PRKN: variants seen among roughly 807,000 people sequenced by gnomAD.
PRKN encodes E3 ubiquitin-protein ligase parkin.
In PRKN, 56 loss-of-function variants were observed where a neutral mutation model predicts 59.5. The observed-to-expected ratio is 0.94, with a 90% CI of 0.76 to 1.18. The LOEUF (loss-of-function observed/expected upper bound fraction) is 1.18. Ranked by LOEUF, PRKN falls within the 50% of genes most tolerant of loss-of-function variation. The pLI is 0.00. For missense variants in PRKN, 657 were observed against 596.4 expected (o/e 1.10, Z -1.06); for synonymous variants, 250 against 222.1 (o/e 1.13, Z -1.12).
At chr6:162,620,000 C>T (rs2803042) in intron 1 of PRKN, among the ~76,000 whole-genome samples, 113,678 of 151,940 alleles carry the variant, frequency 0.75, 42,640 homozygotes, top group African/African-American at 0.78. Context: ...ACATTGCAAT[C>T]TGATATGCTT....
intron 6 of PRKN, among the ~76,000 whole-genome samples, chr6:161,872,961 C>T (rs1583277492): frequency 2.1e-5 from 3 of 139,610 alleles, no homozygotes; most frequent in East Asian, 2.1e-4. Flanking sequence ...ACAGTAATGA[C>T]TTTTTTTTTT....
chr6:161,773,383 T>C (rs1478780278), intron 7 of PRKN, among the ~76,000 whole-genome samples: 2 of 152,226 alleles, frequency 1.3e-5, no homozygotes, highest in African/African-American at 2.4e-5. Flanking sequence ...TCAAAAATTG[T>C]GCCAACTGCT....
Position 162,349,241 on chromosome 6 carries a change from G to C in PRKN, c.172-86476C>G, listed in dbSNP as rs185560099. ...CTAGCACTTTGTGAGGCTGAGGTGG[G>C]TGGATCACTTGAGGTCAGGAGTTCA... On this transcript the variant is annotated intron_variant, in intron 2 of 11. Coordinates refer to ENST00000366898, the MANE Select transcript of PRKN (RefSeq NM_004562.3). Among the ~76,000 whole-genome samples the C allele has an allele frequency of 5.9e-5, 9 of 152,276 alleles. No individual in the cohort carries two copies. In the East Asian group the frequency reaches 1.7e-3, roughly 29 times the overall value.
chr6:162,030,828 A>G (rs535909785), intron 5 of PRKN, among the ~76,000 whole-genome samples: 3 of 152,172 alleles, frequency 2.0e-5, no homozygotes, highest in Non-Finnish European at 2.9e-5. Context: ...CTGGAGAATT[A>G]ACGAAACATC....
At chr6:162,047,544 G>GA (rs1192603624) in intron 5 of PRKN, among the ~76,000 whole-genome samples, 123 of 141,356 alleles carry the variant, frequency 8.7e-4, no homozygotes, top group Admixed American at 1.1e-3. Flanking sequence ...TTAGACACCA[G>GA]AAAAAAAAAA....
At chr6:162,115,520 A>C (rs1780632999) in intron 4 of PRKN, among the ~76,000 whole-genome samples, 1 of 150,592 alleles carries the variant, frequency 6.6e-6, no homozygotes, top group South Asian at 2.1e-4. Context: ...ACATTAAAAT[A>C]AATAAATAAA....
chr6:161,564,390 C>T (rs913742334), intron 8 of PRKN, among the ~76,000 whole-genome samples: 1 of 152,232 alleles, frequency 6.6e-6, no homozygotes, highest in African/African-American at 2.4e-5. Flanking sequence ...TTTCCTACCA[C>T]ATATTCCAGC....
chr6:162,374,467 G>A (rs1426134447), intron 2 of PRKN, among the ~76,000 whole-genome samples: 3 of 151,462 alleles, frequency 2.0e-5, no homozygotes, highest in South Asian at 2.1e-4. Context: ...TGGTCTGGTC[G>A]GTTGGAGCCT....
At chr6:162,383,738 T>G (rs1051818426) in intron 2 of PRKN, among the ~76,000 whole-genome samples, 1 of 152,216 alleles carries the variant, frequency 6.6e-6, no homozygotes, top group East Asian at 1.9e-4. Flanking sequence ...AAGTCCTGGA[T>G]AGCATCTTCC....
chr6:161,749,441 G>T lies in PRKN; in HGVS notation c.871+36331C>A, dbSNP rs538958387. On this transcript the variant is annotated intron_variant, in intron 7 of 11. Coordinates refer to ENST00000366898, the MANE Select transcript of PRKN (RefSeq NM_004562.3). ...TATACATCATTTTAGTGCTTTTATGGAGGAAGGAAAGTAATTTGCAGGATC... is the reference window on the plus strand; with the variant it reads ...TATACATCATTTTAGTGCTTTTATGTAGGAAGGAAAGTAATTTGCAGGATC... 2.0e-5 allele frequency among the ~76,000 whole-genome samples: 3 copies of T among 152,214 alleles called. No homozygotes were observed. In the South Asian group the frequency reaches 6.2e-4, roughly 32 times the overall value.
intron 7 of PRKN, among the ~76,000 whole-genome samples, chr6:161,687,459 TA>T (rs549039987): frequency 7.1e-4 from 103 of 144,180 alleles, no homozygotes; most frequent in African/African-American, 2.3e-3. Flanking sequence ...TTTTTTAAAT[TA>T]AAAAAAAATG....
intron 1 of PRKN, among the ~76,000 whole-genome samples, chr6:162,685,987 C>T (rs1893539): frequency 0.92 from 139,483 of 152,182 alleles, 64,085 homozygotes; most frequent in East Asian, 0.98. Context: ...TTATAGCGAA[C>T]GTCCATTCTG....
At chr6:162,643,120 G>A (rs900531108) in intron 1 of PRKN, among the ~76,000 whole-genome samples, 3 of 152,076 alleles carry the variant, frequency 2.0e-5, no homozygotes, top group African/African-American at 4.8e-5. Context: ...ACAAGCAGCC[G>A]GGCGCGGTGG....
At chr6:161,739,750 T>C (rs889933156) in intron 7 of PRKN, among the ~76,000 whole-genome samples, 1 of 152,166 alleles carries the variant, frequency 6.6e-6, no homozygotes, top group Non-Finnish European at 1.5e-5. Context: ...ACAATTTTTT[T>C]TCTTGTTTCT....
At chr6:162,244,719 G>C (rs1779129550) in intron 3 of PRKN, among the ~76,000 whole-genome samples, 1 of 152,044 alleles carries the variant, frequency 6.6e-6, no homozygotes, top group Admixed American at 6.6e-5. Flanking sequence ...AGGGTATATG[G>C]AATTAATGTT....
intron 6 of PRKN, among the ~76,000 whole-genome samples, chr6:161,835,785 G>A (rs921847321): frequency 6.6e-5 from 10 of 152,090 alleles, no homozygotes; most frequent in African/African-American, 1.7e-4. Flanking sequence ...TTATTTTCCC[G>A]GGCATGGGTG....
chr6:161,706,062 C>T (rs796645646), intron 7 of PRKN, among the ~76,000 whole-genome samples: 18 of 152,008 alleles, frequency 1.2e-4, no homozygotes, highest in African/African-American at 4.1e-4. Flanking sequence ...TGTGGCCCTT[C>T]GCTGTTCCAC....
chr6:161,809,503 C>CA (rs560626398), intron 6 of PRKN, among the ~76,000 whole-genome samples: 43 of 151,830 alleles, frequency 2.8e-4, no homozygotes, highest in Middle Eastern at 6.8e-3. Flanking sequence ...AATAAAGCGA[C>CA]AAAAAAAATA....
chr6:162,431,032 A>G (rs1335485624), intron 2 of PRKN, among the ~76,000 whole-genome samples: 2 of 152,080 alleles, frequency 1.3e-5, no homozygotes, highest in East Asian at 1.9e-4. Context: ...CCTCTTCCCA[A>G]CGCCGCCTTC....
Sources: allele counts gnomAD v4.1 joint callset (sites outside exome capture counted in the v4.1 genomes callset), GRCh38; gene constraint gnomAD v4.1.1; transcripts MANE v1.5; gene names NCBI Gene and HGNC (gene_info 2026-07-23, HGNC 2026-07-21).